Variants in UNC13C observed in about 807,000 individuals in gnomAD.
The protein encoded by UNC13C is protein unc-13 homolog C.
In UNC13C, 174 loss-of-function variants were observed where a neutral mutation model predicts 245.4. That is an observed-to-expected ratio of 0.71 (90% CI 0.63 to 0.80). UNC13C has a LOEUF of 0.80. Ranked by LOEUF, UNC13C falls within the 30% of genes least tolerant of loss-of-function variation. The pLI is 0.00. For synonymous variants in UNC13C, 992 were observed against 895.1 expected, an observed-to-expected ratio of 1.11 and a Z score of -1.93; for missense variants, 2,829 against 2,602.9, an observed-to-expected ratio of 1.09 and a Z score of -1.89.
chr15:54,082,301 C>T (rs1232910729), intron 2 of UNC13C, among the ~76,000 whole-genome samples: 1 of 152,118 alleles, frequency 6.6e-6, no homozygotes, highest in Non-Finnish European at 1.5e-5. Context: ...TTTCTTGTAT[C>T]TGGGTCTTGA....
chr15:54,252,897 A>C (rs1267346010), intron 8 of UNC13C, among the ~76,000 whole-genome samples: 1 of 152,356 alleles, frequency 6.6e-6, no homozygotes, highest in African/African-American at 2.4e-5. Flanking sequence ...ATGCTAGTTC[A>C]TAAATTAAAA....
intron 2 of UNC13C, among the ~76,000 whole-genome samples, chr15:54,141,511 A>G (rs879641239): frequency 6.6e-6 from 1 of 152,128 alleles, no homozygotes; most frequent in Admixed American, 6.5e-5. Flanking sequence ...AAGAAGACCC[A>G]TTACAATCCC....
chr15:54,191,622 G>A (rs1248917993), intron 4 of UNC13C, among the ~76,000 whole-genome samples: 6 of 152,128 alleles, frequency 3.9e-5, no homozygotes, highest in East Asian at 1.9e-4. Flanking sequence ...TTGAGGAATC[G>A]CCATACTGTC....
At chr15:53,937,367 A>G in the UNC13C span, among the ~76,000 whole-genome samples, 1 of 152,196 alleles carries the variant, frequency 6.6e-6, no homozygotes, top group African/African-American at 2.4e-5. Flanking sequence ...CAAAACCTCC[A>G]AGAAATATGG....
intron 1 of UNC13C, among the ~76,000 whole-genome samples, chr15:53,992,091 A>G (rs1450828651): frequency 6.6e-6 from 1 of 151,982 alleles, no homozygotes; most frequent in Admixed American, 6.6e-5. Context: ...ACCTTTTAAG[A>G]ATTACTCTCG....
chr15:54,162,430 AG>A, intron 4 of UNC13C, among the ~76,000 whole-genome samples: 1 of 152,340 alleles, frequency 6.6e-6, no homozygotes, highest in South Asian at 2.1e-4. Context: ...AATCAGACAG[AG>A]AACATATGAA....
chr15:54,411,350 C>T (rs1157170745), intron 18 of UNC13C, among the ~76,000 whole-genome samples: 1 of 152,024 alleles, frequency 6.6e-6, no homozygotes, highest in African/African-American at 2.4e-5. Context: ...TCATGAAGTT[C>T]AATTTATCAA....
chr15:54,195,372 G>C (rs993485547), intron 4 of UNC13C, among the ~76,000 whole-genome samples: 4 of 152,144 alleles, frequency 2.6e-5, no homozygotes, highest in African/African-American at 9.7e-5. Context: ...TTGCACTGTA[G>C]CTTTGCTATG....
At chr15:53,898,596 G>A in the UNC13C span, among the ~76,000 whole-genome samples, 1 of 152,168 alleles carries the variant, frequency 6.6e-6, no homozygotes, top group African/African-American at 2.4e-5. Flanking sequence ...CAAGGGAGCA[G>A]GGAGCTGACT....
At chr15:54,333,379 G>A (rs1007940445) in intron 15 of UNC13C, among the ~76,000 whole-genome samples, 19 of 151,736 alleles carry the variant, frequency 1.3e-4, no homozygotes, top group African/African-American at 4.6e-4. Flanking sequence ...TATAATTTCC[G>A]AAGTATTTTT....
chr15:54,416,669 G>A (rs78943590), intron 19 of UNC13C, among the ~76,000 whole-genome samples: 4,619 of 152,086 alleles, frequency 0.03, 189 homozygotes, highest in Admixed American at 0.12. Context: ...TTTTCAGAGA[G>A]CGTTCACTAC....
intron 19 of UNC13C, among the ~76,000 whole-genome samples, chr15:54,481,650 G>A (rs929670748): frequency 6.6e-6 from 1 of 152,010 alleles, no homozygotes; most frequent in African/African-American, 2.4e-5. Flanking sequence ...GTTTTGGGGG[G>A]TTTATGGGAC....
chr15:53,923,909 C>G, the UNC13C span, among the ~76,000 whole-genome samples: 1 of 152,190 alleles, frequency 6.6e-6, no homozygotes, highest in African/African-American at 2.4e-5. Context: ...AAAGGTTATT[C>G]AAGAGAGACA....
chr15:53,987,546 GTT>G (rs1317643195), intron 1 of UNC13C, among the ~76,000 whole-genome samples: 1 of 151,880 alleles, frequency 6.6e-6, no homozygotes, highest in Admixed American at 6.6e-5. Context: ...TGTTGTTGTT[GTT>G]GTTGTTTAAT....
At chr15:54,184,720 A>T (rs1226807963) in intron 4 of UNC13C, among the ~76,000 whole-genome samples, 1 of 152,200 alleles carries the variant, frequency 6.6e-6, no homozygotes, top group Non-Finnish European at 1.5e-5. Context: ...TAGTGCCGCA[A>T]TAAACATACA....
chr15:54,560,708 T>C (rs1897267642), intron 29 of UNC13C, among the ~76,000 whole-genome samples: 1 of 151,776 alleles, frequency 6.6e-6, no homozygotes, highest in African/African-American at 2.4e-5. Flanking sequence ...TACTGGAAAC[T>C]ACATGGGAAA....
chr15:54,517,620 A>G (rs1176285433), intron 24 of UNC13C, among the ~76,000 whole-genome samples: 1 of 152,120 alleles, frequency 6.6e-6, no homozygotes, highest in Admixed American at 6.6e-5. Flanking sequence ...AAAAGGTCTG[A>G]GCACACTGAA....
intron 2 of UNC13C, among the ~76,000 whole-genome samples, chr15:54,091,861 G>C (rs1899592572): frequency 6.6e-6 from 1 of 151,832 alleles, no homozygotes; most frequent in South Asian, 2.1e-4. Flanking sequence ...TTCTCGTTGA[G>C]ATTTATTCCT....
chr15:53,935,016 C>T, the UNC13C span, among the ~76,000 whole-genome samples: 1 of 152,138 alleles, frequency 6.6e-6, no homozygotes, highest in Non-Finnish European at 1.5e-5. Context: ...ATCTATTTTA[C>T]ATATGAAGGA....
Sources: gnomAD v4.1 joint callset for allele counts (sites outside exome capture counted in the v4.1 genomes callset) on GRCh38, gnomAD v4.1.1 for gene constraint, MANE v1.5 for transcripts, NCBI Gene and HGNC (gene_info 2026-07-23, HGNC 2026-07-21) for gene names.